Variants in ANKS1A observed in about 807,000 individuals in gnomAD.
ANKS1A encodes the protein ankyrin repeat and SAM domain-containing protein 1A.
ANKS1A carries 55 observed loss-of-function variants against 120.3 expected under a neutral mutation model. The observed-to-expected ratio is 0.46, with a 90% CI of 0.37 to 0.57. The LOEUF is 0.57. Among genes scored for constraint, ANKS1A ranks in the 20% least tolerant of loss-of-function variants. The probability of loss-of-function intolerance (pLI) is 0.00; values close to 1 mark genes in which losing one functional copy is unlikely to be tolerated. For missense variants in ANKS1A, 1,123 were observed against 1,480.3 expected, an observed-to-expected ratio of 0.76 and a Z score of 3.96; for synonymous variants, 590 against 604.7, an observed-to-expected ratio of 0.98 and a Z score of 0.36.
intron 13 of ANKS1A, chr6:35,070,955 A>G: frequency 8.3e-6 from 5 of 603,514 alleles, no homozygotes; most frequent in South Asian, 7.1e-5. Flanking sequence ...ACTGCAACCA[A>G]CCACTTTCCA....
intron 11 of ANKS1A, among the ~76,000 whole-genome samples, chr6:35,021,218 GTTC>G (rs1402921126): frequency 1.3e-5 from 2 of 152,224 alleles, no homozygotes; most frequent in Admixed American, 6.5e-5. Context: ...GCCATATCCT[GTTC>G]TTGCTGATTT....
At chr6:35,083,079 C>G in intron 18 of ANKS1A, 76 bp from the exon 19 acceptor site, 1 of 1,558,570 alleles carries the variant, frequency 6.4e-7, no homozygotes, top group South Asian at 1.1e-5. Context: ...GATTGTGGGA[C>G]AGTCCCAAAT....
In ANKS1A at chr6:35,089,678, T is replaced by C; in HGVS notation, c.*1069T>C. The C allele has an allele frequency of 1.0e-6, 1 of 992,282 alleles. No individual in the cohort carries two copies. Among genetic ancestry groups the C allele is most frequent in the Non-Finnish European group, 1.2e-6 (1 of 834,096 alleles). 61.5% of individuals were successfully genotyped at this position (992,282 alleles called of 1,614,324 possible). On this transcript the variant is annotated 3_prime_UTR_variant, in exon 24 of 24. Coordinates refer to ENST00000360359, the MANE Select transcript of ANKS1A (RefSeq NM_015245.3). ...GCATCGATGCTCCCCCGCGTGGCCT[T>C]TGGGGCAGGCTGGCATCCCGGTGCG... is the stretch of plus-strand genomic sequence containing the variant.
chr6:34,999,732 A>T (rs1364018234), intron 10 of ANKS1A, among the ~76,000 whole-genome samples: 1 of 152,150 alleles, frequency 6.6e-6, no homozygotes, highest in Non-Finnish European at 1.5e-5. Context: ...CAGTTTCCCT[A>T]CATAGACAGT....
rs561029159 is a variant in ANKS1A, at chr6:35,089,362, G to A, written c.*753G>A. The A allele has an allele frequency of 9.0e-5, 89 of 986,744 alleles. 1 individual carries two copies. Among genetic ancestry groups the A allele is most frequent in the African/African-American group, 5.1e-4 (29 of 57,350 alleles). 61.1% of individuals were successfully genotyped at this position (986,744 alleles called of 1,614,324 possible). Reference sequence around the variant, plus strand: ...GGGAAGTCTTAGCCAGCACCAGAGCGCCAGGCCTCTCCCTGGCCTCTTACC... The same window carrying A: ...GGGAAGTCTTAGCCAGCACCAGAGCACCAGGCCTCTCCCTGGCCTCTTACC... On this transcript the variant is annotated 3_prime_UTR_variant, in exon 24 of 24. Coordinates refer to ENST00000360359, the MANE Select transcript of ANKS1A (RefSeq NM_015245.3).
intron 9 of ANKS1A, among the ~76,000 whole-genome samples, chr6:34,991,693 C>T (rs200953479): frequency 0.029 from 861 of 29,324 alleles, 24 homozygotes; most frequent in South Asian, 0.16. Context: ...CATATATACA[C>T]ATATATATAC....
At chr6:35,006,786 C>T (rs971794862) in intron 10 of ANKS1A, among the ~76,000 whole-genome samples, 2 of 151,942 alleles carry the variant, frequency 1.3e-5, no homozygotes, top group African/African-American at 4.8e-5. Context: ...AAACAAAAAT[C>T]TCATGTACCC....
Position 35,082,901 on chromosome 6 carries a change from C to G in ANKS1A, c.2835+85C>G, listed in dbSNP as rs374202543. 25 of 1,544,700 alleles carry G rather than the reference C, an allele frequency of 1.6e-5. No individual in the cohort carries two copies. The East Asian group carries it at 3.2e-4, about 20-fold the overall frequency. On this transcript the variant is annotated intron_variant, in intron 18 of 23. Transcript: ENST00000360359. The surrounding 1 kb of genome is among the most constrained non-coding windows in gnomAD (Gnocchi z 4.1). ...CTGCGGCCAAGTCCCAGCAGGGACT[C>G]CACAAAGCCAGGCCCAGGGCTTTTG...
chr6:34,900,528 C>T (rs546321001), intron 1 of ANKS1A, among the ~76,000 whole-genome samples: 5 of 152,066 alleles, frequency 3.3e-5, no homozygotes, highest in African/African-American at 9.6e-5. Context: ...GGAGCTCAAG[C>T]GATCCTCCTG....
intron 7 of ANKS1A, among the ~76,000 whole-genome samples, chr6:34,983,700 A>G (rs763550929): frequency 2.6e-5 from 4 of 152,120 alleles, no homozygotes; most frequent in Non-Finnish European, 4.4e-5. Flanking sequence ...AGAGAGGATC[A>G]TCTCAAGATG....
intron 1 of ANKS1A, among the ~76,000 whole-genome samples, chr6:34,907,983 G>C (rs1327407148): frequency 6.6e-6 from 1 of 152,076 alleles, no homozygotes; most frequent in Non-Finnish European, 1.5e-5. Context: ...CTTGAGTGCA[G>C]AAGTACAAGA....
chr6:34,897,744 GT>G (rs1369887958), intron 1 of ANKS1A, among the ~76,000 whole-genome samples: 3 of 152,180 alleles, frequency 2.0e-5, no homozygotes, highest in Admixed American at 6.5e-5. Context: ...TCCTTTCTCA[GT>G]AATTTGTAGA....
At chr6:35,022,826 T>C (rs1306325282) in intron 11 of ANKS1A, among the ~76,000 whole-genome samples, 1 of 152,238 alleles carries the variant, frequency 6.6e-6, no homozygotes, top group Non-Finnish European at 1.5e-5. Context: ...TATAATTTGC[T>C]TTTCTTACCT....
intron 1 of ANKS1A, among the ~76,000 whole-genome samples, chr6:34,943,233 G>C (rs909878779): frequency 6.6e-6 from 1 of 152,176 alleles, no homozygotes; most frequent in East Asian, 1.9e-4. Flanking sequence ...GGGATTACAG[G>C]TGTGAACCAC....
At chr6:35,052,564 G>C (rs1387124105) in intron 11 of ANKS1A, among the ~76,000 whole-genome samples, 1 of 142,444 alleles carries the variant, frequency 7.0e-6, no homozygotes, top group Non-Finnish European at 1.5e-5. Flanking sequence ...TTGAGTCCAG[G>C]AGTTTGAGAG....
intron 1 of ANKS1A, among the ~76,000 whole-genome samples, chr6:34,941,213 C>T (rs861878): frequency 0.2 from 30,379 of 152,086 alleles, 5,031 homozygotes; most frequent in African/African-American, 0.45. Flanking sequence ...GTCTTGAACT[C>T]CTGACCTTGT....
rs559855563 is a variant in ANKS1A, at chr6:35,086,212, GCAGCC to G, written c.3303+278_3303+282del. 2.4e-5 allele frequency: 33 copies of G among 1,352,622 alleles called. No individual in the cohort carries two copies. The South Asian group carries it at 3.5e-4, about 14-fold the overall frequency. 83.8% of individuals were successfully genotyped at this position (1,352,622 alleles called of 1,614,324 possible). A position where few individuals can be genotyped will look rare whatever the true frequency, so the allele number is the denominator to read the frequency against. On this transcript the variant is annotated intron_variant, in intron 22 of 23. Coordinates refer to ENST00000360359, the MANE Select transcript of ANKS1A (RefSeq NM_015245.3). This position sits in a 1 kb window ranked among gnomAD's most constrained non-coding sequence, Gnocchi z 5.1. ...AGGGGCTGCAGAGAGCGGCCTGCAG[GCAGCC>G]CCCAGTAACTGCGCCATCCCTGTGT...
At position 35,085,973 on chromosome 6, in the gene ANKS1A, TGGCCCCA is replaced by T. The variant is rs1248425660; in HGVS notation, c.3303+40_3303+46del. 1 of 1,556,818 alleles carries T rather than the reference TGGCCCCA, an allele frequency of 6.4e-7. No individual in the cohort carries two copies. The highest frequency in any genetic ancestry group is 8.6e-7 in the Non-Finnish European group (1 of 1,156,150). On this transcript the variant is annotated intron_variant, in intron 22 of 23. Transcript: ENST00000360359. This position sits in a 1 kb window ranked among gnomAD's most constrained non-coding sequence, Gnocchi z 4.7. ...CCACTGGCCAAGATCCCCCTCTCCC[TGGCCCCA>T]GGGATTCAAGGGCTCAGGGTGGTCA...
At chr6:35,094,221 C>T (rs112687196), downstream of ANKS1A, among the ~76,000 whole-genome samples, 1 of 152,176 alleles carries the variant, frequency 6.6e-6, no homozygotes, top group Non-Finnish European at 1.5e-5. Flanking sequence ...TAGAAAATCA[C>T]TTATCATACC....
Sources: gnomAD v4.1 joint callset for allele counts (sites outside exome capture counted in the v4.1 genomes callset) on GRCh38, gnomAD v4.1.1 for gene constraint, Gnocchi (gnomAD v3.1) non-coding constraint, MANE v1.5 for transcripts, NCBI Gene and HGNC (gene_info 2026-07-23, HGNC 2026-07-21) for gene names.